SNX29: variants seen among roughly 807,000 people sequenced by gnomAD.
SNX29 encodes the protein sorting nexin-29.
In SNX29, 78 loss-of-function variants were observed where a neutral mutation model predicts 102.1. The observed-to-expected ratio is 0.76, with a 90% CI of 0.64 to 0.92. The LOEUF (loss-of-function observed/expected upper bound fraction) is 0.92. Ranked by LOEUF, SNX29 falls within the 40% of genes least tolerant of loss-of-function variation. The probability of loss-of-function intolerance (pLI) is 0.00; values close to 1 mark genes in which losing one functional copy is unlikely to be tolerated. For missense variants in SNX29, 1,280 were observed against 1,061.7 expected (o/e 1.21, Z -2.86); for synonymous variants, 580 against 414.5 (o/e 1.40, Z -4.85).
rs80239734 is a variant in SNX29 at position 12,519,240 on chromosome 16, C to G, written c.2179-5462C>G. Among the ~76,000 whole-genome samples, 614 of 152,314 alleles carry G rather than the reference C, an allele frequency of 4.0e-3. 5 individuals carry two copies. The highest frequency in any genetic ancestry group is 0.014 in the African/African-American group (565 of 41,556). On this transcript the variant is annotated intron_variant, in intron 19 of 20. Coordinates refer to ENST00000566228, the MANE Select transcript of SNX29 (RefSeq NM_032167.5). ...GGGTCACAGTTAGTCTGTGGACCTC[C>G]GTGAACAGCTTGTGGTGAAAATGGT...
Position 12,030,312 on chromosome 16 carries a change from C to G in SNX29, c.247+2868C>G, listed in dbSNP as rs147903503. On this transcript the variant is annotated intron_variant, in intron 4 of 20. Coordinates refer to ENST00000566228, the MANE Select transcript of SNX29 (RefSeq NM_032167.5). ...CCCAGAGCACTTCCTTGAACTCTGT[C>G]TCATGAATGTCTCTATTTGGCGTAC... is the stretch of plus-strand genomic sequence containing the variant. Among the ~76,000 whole-genome samples the G allele has an allele frequency of 3.6e-3, 541 of 152,328 alleles. 2 individuals carry two copies. Among genetic ancestry groups the G allele is most frequent in the Middle Eastern group, 0.02 (6 of 294 alleles).
chr16:12,360,852 T>C (rs901547968), intron 16 of SNX29, among the ~76,000 whole-genome samples: 1 of 152,230 alleles, frequency 6.6e-6, no homozygotes, highest in African/African-American at 2.4e-5. Flanking sequence ...ATCTCCATTT[T>C]ACAGGTTTAC....
intron 19 of SNX29, among the ~76,000 whole-genome samples, chr16:12,486,719 C>T (rs2088257247): frequency 6.6e-6 from 1 of 152,200 alleles, no homozygotes; most frequent in Non-Finnish European, 1.5e-5. Flanking sequence ...AACTCCTCAA[C>T]CTCAGTGCCG....
chr16:12,074,140 C>G (rs1347858226), intron 10 of SNX29, among the ~76,000 whole-genome samples: 6 of 150,794 alleles, frequency 4.0e-5, no homozygotes, highest in African/African-American at 1.5e-4. Flanking sequence ...CAGTCTGTGT[C>G]TTTTAATTGG....
intron 13 of SNX29, among the ~76,000 whole-genome samples, chr16:12,134,745 A>C (rs1230673430): frequency 6.6e-6 from 1 of 152,198 alleles, no homozygotes; most frequent in Non-Finnish European, 1.5e-5. Context: ...CACTGAGGCC[A>C]CCTTGAAGGC....
intron 14 of SNX29, among the ~76,000 whole-genome samples, chr16:12,240,686 T>C (rs1366191574): frequency 7.4e-6 from 1 of 134,262 alleles, no homozygotes; most frequent in African/African-American, 2.7e-5. Flanking sequence ...AACCTCTGCC[T>C]CCTCCCAGGT....
chr16:12,559,713 G>A (rs1456875578), intron 20 of SNX29, among the ~76,000 whole-genome samples: 3 of 152,186 alleles, frequency 2.0e-5, no homozygotes, highest in East Asian at 1.9e-4. Flanking sequence ...CTCCCATGGT[G>A]AGAACACCAA....
At chr16:12,523,885 G>A (rs912398728) in intron 19 of SNX29, among the ~76,000 whole-genome samples, 1 of 151,816 alleles carries the variant, frequency 6.6e-6, no homozygotes, top group South Asian at 2.1e-4. Flanking sequence ...TGCATCCTAG[G>A]TTTTTTTTGT....
intron 13 of SNX29, among the ~76,000 whole-genome samples, chr16:12,159,532 A>G (rs544480230): frequency 3.0e-4 from 46 of 152,222 alleles, no homozygotes; most frequent in Non-Finnish European, 3.5e-4. Flanking sequence ...CTGCATAGAG[A>G]CATGGCTGTG....
chr16:12,055,731 A>G (rs1426798330), intron 8 of SNX29, among the ~76,000 whole-genome samples: 6 of 152,146 alleles, frequency 3.9e-5, no homozygotes, highest in African/African-American at 1.4e-4. Context: ...CATGAAGCCC[A>G]CCCACATTAT....
chr16:12,240,760 CATACTGGACT>C (rs1024497036), intron 14 of SNX29, among the ~76,000 whole-genome samples: 1 of 151,664 alleles, frequency 6.6e-6, no homozygotes. Flanking sequence ...TGTGTGCCAC[CATACTGGACT>C]AATATTTGTA....
intron 19 of SNX29, among the ~76,000 whole-genome samples, chr16:12,516,046 G>A (rs1167032045): frequency 2.0e-5 from 3 of 152,174 alleles, no homozygotes; most frequent in African/African-American, 4.8e-5. Context: ...AGGCCTAGAC[G>A]TGGCCTGCCC....
At chr16:12,280,768 C>A (rs1346705764) in intron 15 of SNX29, among the ~76,000 whole-genome samples, 3 of 152,154 alleles carry the variant, frequency 2.0e-5, no homozygotes, top group African/African-American at 4.8e-5. Flanking sequence ...CTTTGTGATG[C>A]TTCTGTCATT....
chr16:12,454,723 T>C (rs2086459850), intron 18 of SNX29, among the ~76,000 whole-genome samples: 1 of 151,968 alleles, frequency 6.6e-6, no homozygotes, highest in African/African-American at 2.4e-5. Context: ...TTTTTATTTT[T>C]TATTTTTATT....
chr16:12,317,502 C>T (rs1209208088), intron 15 of SNX29, among the ~76,000 whole-genome samples: 1 of 152,174 alleles, frequency 6.6e-6, no homozygotes, highest in East Asian at 1.9e-4. Context: ...CTTCCTGTGC[C>T]TTTAGAGCCA....
chr16:11,991,400 C>G (rs1349856343), intron 1 of SNX29, among the ~76,000 whole-genome samples: 1 of 152,072 alleles, frequency 6.6e-6, no homozygotes, highest in Non-Finnish European at 1.5e-5. Context: ...GACTTGCCGT[C>G]TCATGAAGGA....
intron 20 of SNX29, among the ~76,000 whole-genome samples, chr16:12,559,077 T>TC (rs1182853541): frequency 2.6e-5 from 4 of 152,150 alleles, no homozygotes; most frequent in African/African-American, 9.7e-5. Flanking sequence ...TACCGCTGTG[T>TC]CCCCGTGCTC....
intron 8 of SNX29, among the ~76,000 whole-genome samples, chr16:12,053,819 C>G (rs368030226): frequency 6.6e-6 from 1 of 151,956 alleles, no homozygotes; most frequent in Non-Finnish European, 1.5e-5. Context: ...TATTGTAAGA[C>G]GTCTAGCAGC....
chr16:12,566,686 T>C (rs1175781071), intron 20 of SNX29, among the ~76,000 whole-genome samples: 1 of 75,098 alleles, frequency 1.3e-5, no homozygotes. Context: ...ATAAAGAGGC[T>C]CTTCGTAAGT....
Sources: gnomAD v4.1 joint callset for allele counts (sites outside exome capture counted in the v4.1 genomes callset) on GRCh38, gnomAD v4.1.1 for gene constraint, MANE v1.5 for transcripts, NCBI Gene and HGNC (gene_info 2026-07-23, HGNC 2026-07-21) for gene names.